CTNNAL1: variants seen among roughly 807,000 people sequenced by gnomAD.
CTNNAL1 encodes catenin alpha like 1, also known as alpha-catulin.
CTNNAL1 carries 69 observed loss-of-function variants against 93.6 expected under a neutral mutation model. That is an observed-to-expected ratio of 0.74 (90% CI 0.61 to 0.90). The LOEUF is 0.90. CTNNAL1 is among the 40% of genes least tolerant of loss of function. CTNNAL1 has a pLI of 0.00. For missense variants in CTNNAL1, 836 were observed against 862.0 expected (o/e 0.97, Z 0.38); for synonymous variants, 286 against 305.4 (o/e 0.94, Z 0.66).
At chr9:108,979,693 C>G (rs1180320740) in intron 6 of CTNNAL1, among the ~76,000 whole-genome samples, 1 of 152,194 alleles carries the variant, frequency 6.6e-6, no homozygotes. Context: ...AAGCACCATT[C>G]CTAGAGTAAT....
At chr9:108,964,750 T>C (rs4978762) in intron 11 of CTNNAL1, among the ~76,000 whole-genome samples, 11,263 of 152,204 alleles carry the variant, frequency 0.074, 500 homozygotes, top group Admixed American at 0.13. Context: ...TGTATTATAA[T>C]TAAAAAACAA....
intron 1 of CTNNAL1, among the ~76,000 whole-genome samples, chr9:109,003,162 A>G (rs1826903230): frequency 2.0e-5 from 3 of 152,254 alleles, no homozygotes. Flanking sequence ...TCAGACAACC[A>G]TTCAGGTAAA....
chr9:108,974,140 G>A (rs559381033), intron 8 of CTNNAL1, among the ~76,000 whole-genome samples: 23 of 152,162 alleles, frequency 1.5e-4, no homozygotes, highest in African/African-American at 3.9e-4. Context: ...TCTATGCAAC[G>A]TCCTGACAGC....
At chr9:108,986,142 G>C (rs562918499) in intron 4 of CTNNAL1, among the ~76,000 whole-genome samples, 1 of 149,790 alleles carries the variant, frequency 6.7e-6, no homozygotes, top group East Asian at 2.0e-4. Context: ...TCGTCATTTA[G>C]CATTAGGTAT....
intron 15 of CTNNAL1, among the ~76,000 whole-genome samples, chr9:108,946,756 T>G (rs187830395): frequency 6.6e-5 from 10 of 152,232 alleles, no homozygotes; most frequent in Admixed American, 4.6e-4. Context: ...AATAAATATT[T>G]GTTGAATGAA....
At chr9:108,947,278 G>A (rs545141800) in intron 15 of CTNNAL1, among the ~76,000 whole-genome samples, 4 of 152,000 alleles carry the variant, frequency 2.6e-5, no homozygotes, top group South Asian at 2.1e-4. Context: ...CACACCCAGC[G>A]AATTTTGTGT....
chr9:108,946,809 G>A (rs1383666108), intron 15 of CTNNAL1, among the ~76,000 whole-genome samples: 1 of 152,046 alleles, frequency 6.6e-6, no homozygotes, highest in African/African-American at 2.4e-5. Flanking sequence ...ACAATTCATT[G>A]AACATTGATT....
At chr9:108,950,418 A>G (rs1489477547) in intron 14 of CTNNAL1, 4 of 1,384,544 alleles carry the variant, frequency 2.9e-6, no homozygotes, top group South Asian at 1.4e-5. Flanking sequence ...ATGGTCTCCA[A>G]TGATGGAAAA....
chr9:108,981,779 G>A (rs1468670450), intron 6 of CTNNAL1, among the ~76,000 whole-genome samples: 1 of 152,108 alleles, frequency 6.6e-6, no homozygotes, highest in East Asian at 1.9e-4. Context: ...ACAAAAATTA[G>A]CCGGCTGTGG....
Position 108,976,998 on chromosome 9 carries a change from C to G in CTNNAL1, c.1152G>C (p.Leu384Phe). ...GTTCATTAAGACTGTGACTGATTTT[C>G]AAAATACTGAGTTCCAGTTCTTCAG... ...SIAEELELSI[L>F]KISHSLNELK... Residue 384 changes from leucine to phenylalanine, a missense_variant, in exon 8 of 19, where the codon TTG (leucine) becomes TTC (phenylalanine). Transcript: ENST00000325551. The G allele has an allele frequency of 6.5e-7, 1 of 1,529,370 alleles. No homozygotes were observed. The highest frequency in any genetic ancestry group is 1.3e-5 in the South Asian group (1 of 78,572). 94.7% of individuals were successfully genotyped at this position (1,529,370 alleles called of 1,614,324 possible).
At chr9:108,967,466 T>C (rs537524465) in intron 10 of CTNNAL1, among the ~76,000 whole-genome samples, 38 of 152,294 alleles carry the variant, frequency 2.5e-4, no homozygotes, top group Non-Finnish European at 4.7e-4. Flanking sequence ...TTCCAGGTGC[T>C]GGGGAAACAG....
In CTNNAL1 at chr9:108,955,815, C is replaced by T. The variant is rs765932377; in HGVS notation, c.1604G>A (p.Gly535Asp). The change falls in exon 12 of 19, where the codon GGC (glycine) becomes GAC (aspartate). Residue 535 changes from glycine to aspartate, a missense_variant. By Grantham distance (94) the Gly-to-Asp change is moderately conservative. Coordinates refer to ENST00000325551, the MANE Select transcript of CTNNAL1 (RefSeq NM_003798.4). ...CATTGGCTTTGGAAGTGAAAGGTAG[C>T]CATACTTCTCTCCTACAAATAACAC... ...VFEGRRGEKY[G>D]YLSLPKPMKN... 6.2e-7 allele frequency: 1 copy of T among 1,600,308 alleles called. No homozygotes were observed. Among genetic ancestry groups the T allele is most frequent in the South Asian group, 1.1e-5 (1 of 88,528 alleles).
intron 4 of CTNNAL1, among the ~76,000 whole-genome samples, chr9:108,987,536 T>C (rs1338447344): frequency 6.6e-6 from 1 of 151,056 alleles, no homozygotes; most frequent in African/African-American, 2.4e-5. Flanking sequence ...CCATATGAAC[T>C]TTAAAGTAGT....
At chr9:108,956,552 C>G in intron 11 of CTNNAL1, among the ~76,000 whole-genome samples, 1 of 152,160 alleles carries the variant, frequency 6.6e-6, no homozygotes, top group South Asian at 2.1e-4. Context: ...AGAAAAATTT[C>G]TTCTTCAAGG....
In CTNNAL1 at chr9:108,951,987, G is replaced by A. The variant is rs577532712; in HGVS notation, c.1835+222C>T. 3.9e-5 allele frequency among the ~76,000 whole-genome samples: 6 copies of A among 152,064 alleles called. No homozygotes were observed. The South Asian group carries it at 1.0e-3, about 26-fold the overall frequency. On this transcript the variant is annotated intron_variant, in intron 14 of 18. Transcript: ENST00000325551. ...ATTATTTCAATGATGGAAAGAGTGG[G>A]CAGAAACCTAGCAGAAGATCCCTTC...
At chr9:108,954,888 C>T (rs1830653207) in intron 12 of CTNNAL1, among the ~76,000 whole-genome samples, 1 of 152,150 alleles carries the variant, frequency 6.6e-6, no homozygotes, top group African/African-American at 2.4e-5. Flanking sequence ...TATCTCTCTT[C>T]ATTGCAAGTT....
intron 14 of CTNNAL1, among the ~76,000 whole-genome samples, chr9:108,951,213 C>T (rs1184334083): frequency 3.3e-5 from 5 of 150,000 alleles, no homozygotes; most frequent in African/African-American, 1.2e-4. Context: ...CACCGGGTTT[C>T]AGTGTGTTAA....
chr9:108,954,324 G>T (rs1450541221), intron 12 of CTNNAL1, among the ~76,000 whole-genome samples: 1 of 152,124 alleles, frequency 6.6e-6, no homozygotes, highest in African/African-American at 2.4e-5. Flanking sequence ...AATTAGCTAT[G>T]CTATCCCTCA....
At chr9:108,989,061 C>T (rs994363827) in intron 4 of CTNNAL1, among the ~76,000 whole-genome samples, 4 of 152,166 alleles carry the variant, frequency 2.6e-5, no homozygotes, top group African/African-American at 9.7e-5. Flanking sequence ...AAAATAGATA[C>T]CACTTCAGCC....
Sources: gnomAD v4.1 joint callset for allele counts (sites outside exome capture counted in the v4.1 genomes callset) on GRCh38, gnomAD v4.1.1 for gene constraint, MANE v1.5 for transcripts, NCBI Gene and HGNC (gene_info 2026-07-23, HGNC 2026-07-21) for gene names.